The following PDZRN3 variants were observed in gnomAD, a reference collection of about 807,000 sequenced individuals.
PDZRN3 encodes PDZ domain containing ring finger 3.
A neutral mutation model predicts 85.7 loss-of-function variants in PDZRN3; 38 were observed. The observed-to-expected ratio is 0.44, with a 90% CI of 0.34 to 0.58. PDZRN3 has a LOEUF of 0.58. Ranked by LOEUF, PDZRN3 falls within the 20% of genes least tolerant of loss-of-function variation. PDZRN3 has a pLI of 0.01. For synonymous variants in PDZRN3, 759 were observed against 638.0 expected (o/e 1.19, Z -2.86); for missense variants, 1,629 against 1,506.4 (o/e 1.08, Z -1.35).
chr3:73,452,304 G>C (rs1230744699), intron 3 of PDZRN3, among the ~76,000 whole-genome samples: 1 of 152,138 alleles, frequency 6.6e-6, no homozygotes, highest in Non-Finnish European at 1.5e-5. Flanking sequence ...TCACTAAAGA[G>C]AGTAAATAAA....
intron 3 of PDZRN3, among the ~76,000 whole-genome samples, chr3:73,417,650 C>T (rs1055711454): frequency 6.6e-6 from 1 of 152,166 alleles, no homozygotes; most frequent in Non-Finnish European, 1.5e-5. Flanking sequence ...AAAAGAAACC[C>T]TCCCTATCAG....
rs749786786 is a variant in PDZRN3, at chr3:73,385,662, GCGTTAC to G, written c.1635+1_1635+6del. ...CAGAGTGTCAGGGACTGGTGCGTGG[GCGTTAC>G]CTGCTGCAGCACGCTAGCTGTGAAT... On this transcript the variant is annotated splice_donor_variant and splice_donor_5th_base_variant and intron_variant, in intron 9 of 9. Coordinates refer to ENST00000263666, the MANE Select transcript of PDZRN3 (RefSeq NM_015009.3). LOFTEE classifies it high-confidence loss of function. 6.4e-7 allele frequency: 1 copy of G among 1,552,756 alleles called. No homozygotes were observed. The highest frequency in any genetic ancestry group is 8.9e-7 in the Non-Finnish European group (1 of 1,125,254).
intron 3 of PDZRN3, among the ~76,000 whole-genome samples, chr3:73,560,384 G>C (rs912479822): frequency 2.6e-5 from 4 of 152,180 alleles, no homozygotes; most frequent in African/African-American, 9.7e-5. Flanking sequence ...TCGAGGCTGA[G>C]TGCTCCTCAT....
intron 3 of PDZRN3, among the ~76,000 whole-genome samples, chr3:73,600,337 ACTCTCTCT>A (rs1553706426): frequency 2.0e-5 from 2 of 100,072 alleles, no homozygotes; most frequent in South Asian, 7.8e-4. Context: ...ACACACACAC[ACTCTCTCT>A]CTCTCTCTCT....
intron 5 of PDZRN3, among the ~76,000 whole-genome samples, chr3:73,398,301 A>G (rs2106713026): frequency 6.6e-6 from 1 of 152,306 alleles, no homozygotes; most frequent in East Asian, 1.9e-4. Flanking sequence ...TCGACACTGC[A>G]GTGAATGAAA....
At chr3:73,498,686 G>T (rs1195382023) in intron 3 of PDZRN3, among the ~76,000 whole-genome samples, 1 of 151,836 alleles carries the variant, frequency 6.6e-6, no homozygotes, top group Non-Finnish European at 1.5e-5. Flanking sequence ...CTGGGTTCAA[G>T]CGATTCTCCT....
chr3:73,439,911 C>G (rs11925576), intron 3 of PDZRN3, among the ~76,000 whole-genome samples: 19,489 of 150,724 alleles, frequency 0.13, 3,918 homozygotes, highest in African/African-American at 0.44. Context: ...GCTAATTTTT[C>G]TATTTTTAGT....
At chr3:73,424,603 C>T (rs1702274117) in intron 3 of PDZRN3, among the ~76,000 whole-genome samples, 1 of 142,214 alleles carries the variant, frequency 7.0e-6, no homozygotes, top group Admixed American at 7.0e-5. Context: ...GAAATGTTTA[C>T]AACACTTACA....
At chr3:73,539,350 A>G (rs578066941) in intron 3 of PDZRN3, among the ~76,000 whole-genome samples, 1 of 152,282 alleles carries the variant, frequency 6.6e-6, no homozygotes, top group Non-Finnish European at 1.5e-5. Context: ...ATCAGTTGAA[A>G]TTGAGGTTGT....
rs879608706 is a variant in PDZRN3 at position 73,507,179 on chromosome 3, T to A, written c.918+95175A>T. Reference sequence around the variant, plus strand: ...TAAGCATAGATTTCATTCTCATTTTTTTTTTTGAGACGAAGTCTCGCTCTT... The same window carrying A: ...TAAGCATAGATTTCATTCTCATTTTATTTTTTGAGACGAAGTCTCGCTCTT... On this transcript the variant is annotated intron_variant, in intron 3 of 9. Transcript: ENST00000263666. Among the ~76,000 whole-genome samples, 37 of 152,362 alleles carry A rather than the reference T, an allele frequency of 2.4e-4. 1 individual carries two copies. The East Asian group carries it at 6.6e-3, about 27-fold the overall frequency.
At chr3:73,536,881 A>G (rs1015246070) in intron 3 of PDZRN3, among the ~76,000 whole-genome samples, 60 of 152,286 alleles carry the variant, frequency 3.9e-4, no homozygotes, top group African/African-American at 1.4e-3. Flanking sequence ...CTCTGTTTGC[A>G]GAGAATTTCT....
rs76597779 is a variant in PDZRN3, at chr3:73,602,165, A to G, written c.918+189T>C. 7.5e-3 allele frequency among the ~76,000 whole-genome samples: 1,138 copies of G among 152,324 alleles called. 14 individuals are homozygous for G. Among genetic ancestry groups the G allele is most frequent in the African/African-American group, 0.025 (1,039 of 41,570 alleles). ...ATTCCACTCATAATCTGGCTTTTCTACATTTAACAAAAATTTAACACCAAG... is the reference window on the plus strand; with the variant it reads ...ATTCCACTCATAATCTGGCTTTTCTGCATTTAACAAAAATTTAACACCAAG... On this transcript the variant is annotated intron_variant, in intron 3 of 9. Transcript: ENST00000263666.
intron 3 of PDZRN3, among the ~76,000 whole-genome samples, chr3:73,484,514 G>A (rs1285201217): frequency 6.6e-6 from 1 of 152,212 alleles, no homozygotes. Flanking sequence ...CAAATCCTCT[G>A]ACAGAAGAGC....
At chr3:73,545,843 G>C (rs748381065) in intron 3 of PDZRN3, among the ~76,000 whole-genome samples, 39 of 152,146 alleles carry the variant, frequency 2.6e-4, no homozygotes, top group Non-Finnish European at 4.7e-4. Context: ...ACATTAGAAG[G>C]GTTGTTCTGA....
intron 3 of PDZRN3, among the ~76,000 whole-genome samples, chr3:73,492,783 G>A (rs1200739835): frequency 1.3e-5 from 2 of 152,162 alleles, no homozygotes; most frequent in Non-Finnish European, 2.9e-5. Context: ...GATTTTGAAT[G>A]TTCCCAGTGC....
chr3:73,522,236 T>C (rs73838555), intron 3 of PDZRN3, among the ~76,000 whole-genome samples: 1,657 of 152,302 alleles, frequency 0.011, 18 homozygotes, highest in African/African-American at 0.035. Context: ...TGCTGGCCCC[T>C]GATCGACAGT....
At chr3:73,520,413 A>C (rs1286379455) in intron 3 of PDZRN3, among the ~76,000 whole-genome samples, 1 of 152,146 alleles carries the variant, frequency 6.6e-6, no homozygotes, top group Non-Finnish European at 1.5e-5. Flanking sequence ...CTGAGGCAGG[A>C]GGAACGCTTG....
intron 3 of PDZRN3, among the ~76,000 whole-genome samples, chr3:73,542,144 A>G (rs1346269767): frequency 6.6e-6 from 1 of 152,222 alleles, no homozygotes; most frequent in Non-Finnish European, 1.5e-5. Context: ...CAACCTAAGG[A>G]AAAAAGTACA....
At chr3:73,542,301 A>C (rs548396233) in intron 3 of PDZRN3, among the ~76,000 whole-genome samples, 103 of 152,296 alleles carry the variant, frequency 6.8e-4, no homozygotes, top group African/African-American at 2.4e-3. Flanking sequence ...GAATACAAGG[A>C]TTGTTTGTTT....
Sources: gnomAD v4.1 joint callset for allele counts (sites outside exome capture counted in the v4.1 genomes callset) on GRCh38, gnomAD v4.1.1 for gene constraint, MANE v1.5 for transcripts, NCBI Gene and HGNC (gene_info 2026-07-23, HGNC 2026-07-21) for gene names.